The following CTXND2 variants were observed in gnomAD, a reference collection of about 807,000 sequenced individuals.
CTXND2 encodes the protein cortexin domain containing 2.
intron 1 of CTXND2, among the ~76,000 whole-genome samples, chr1:150,911,354 G>A (rs1669254114): frequency 6.6e-6 from 1 of 151,878 alleles, no homozygotes; most frequent in South Asian, 2.1e-4. Context: ...GGAAGTATGA[G>A]TCCTCTTACT....
chr1:150,912,575 T>C, exon 2 of CTXND2: 2 of 397,570 alleles, frequency 5.0e-6, no homozygotes, highest in Middle Eastern at 6.3e-4. Flanking sequence ...TTCTCAGCCT[T>C]CTCACTCTTG....
chr1:150,907,008 C>T (rs1172636876), intron 1 of CTXND2, among the ~76,000 whole-genome samples: 2 of 152,108 alleles, frequency 1.3e-5, no homozygotes, highest in African/African-American at 4.8e-5. Flanking sequence ...TCACAGTTGG[C>T]CACAGCTGAT....
At chr1:150,913,206 TACCC>T (rs1425713021) in exon 2 of CTXND2, 8 of 152,228 alleles carry the variant, frequency 5.3e-5, no homozygotes, top group Non-Finnish European at 8.8e-5. Context: ...GAGATTCTGG[TACCC>T]CAGTATGGTC....
intron 1 of CTXND2, among the ~76,000 whole-genome samples, chr1:150,900,987 C>T (rs978704215): frequency 6.6e-6 from 1 of 152,110 alleles, no homozygotes; most frequent in Non-Finnish European, 1.5e-5. Flanking sequence ...TGGCATGCAC[C>T]TGTAGTCCCA....
intron 1 of CTXND2, among the ~76,000 whole-genome samples, chr1:150,905,761 C>T (rs587713139): frequency 1.1e-4 from 17 of 150,434 alleles, no homozygotes; most frequent in African/African-American, 3.4e-4. Flanking sequence ...GAGGCCGAGA[C>T]GGGCAGATCA....
chr1:150,908,364 G>A (rs978270293), intron 1 of CTXND2, among the ~76,000 whole-genome samples: 2 of 152,060 alleles, frequency 1.3e-5, no homozygotes, highest in Non-Finnish European at 2.9e-5. Context: ...AAGTAACTTT[G>A]CCACTTTACA....
At chr1:150,900,535 A>C (rs1382102506) in intron 1 of CTXND2, among the ~76,000 whole-genome samples, 2 of 152,176 alleles carry the variant, frequency 1.3e-5, no homozygotes, top group Non-Finnish European at 2.9e-5. Context: ...CTGTAATCCC[A>C]GCTATTTGGG....
chr1:150,898,347 T>G (rs977634535), intron 1 of CTXND2, among the ~76,000 whole-genome samples: 1 of 152,170 alleles, frequency 6.6e-6, no homozygotes, highest in African/African-American at 2.4e-5. Flanking sequence ...TTAAAGTAAC[T>G]TCATCCTAAG....
At chr1:150,902,975 GA>G (rs1669068449) in intron 1 of CTXND2, among the ~76,000 whole-genome samples, 1 of 152,088 alleles carries the variant, frequency 6.6e-6, no homozygotes, top group Non-Finnish European at 1.5e-5. Context: ...CCCTCAAGGT[GA>G]ATACTGAACT....
At chr1:150,900,344 A>C (rs1476636110) in intron 1 of CTXND2, among the ~76,000 whole-genome samples, 1 of 152,160 alleles carries the variant, frequency 6.6e-6, no homozygotes, top group East Asian at 1.9e-4. Flanking sequence ...GTCAAGCAAG[A>C]CCACAAACCC....
intron 1 of CTXND2, among the ~76,000 whole-genome samples, chr1:150,907,265 T>C (rs587683693): frequency 2.0e-5 from 3 of 152,334 alleles, no homozygotes; most frequent in African/African-American, 7.2e-5. Flanking sequence ...TGTTTTACCA[T>C]TACCACAGTT....
chr1:150,898,714 C>T (rs1438747747), intron 1 of CTXND2, among the ~76,000 whole-genome samples: 1 of 150,020 alleles, frequency 6.7e-6, no homozygotes, highest in African/African-American at 2.5e-5. Context: ...TGAGATCGTG[C>T]CACTGCACTT....
rs1352634544 is a variant in CTXND2 at position 150,888,282 on chromosome 1, T to G, written c.-74+969T>G. 5.9e-5 allele frequency among the ~76,000 whole-genome samples: 9 copies of G among 151,500 alleles called. No homozygotes were observed. The South Asian group carries it at 1.9e-3, about 32-fold the overall frequency. On this transcript the variant is annotated intron_variant, in intron 1 of 1. Transcript: ENST00000636087. ...AGGCTGGAGTGCAGTGGCGCGATCT[T>G]GGCTCAATACAACCTCTGCCTCCCA... is the stretch of plus-strand genomic sequence containing the variant.
chr1:150,900,440 C>T (rs1333290573), intron 1 of CTXND2, among the ~76,000 whole-genome samples: 4 of 152,174 alleles, frequency 2.6e-5, no homozygotes, highest in African/African-American at 4.8e-5. Context: ...TAACACTCAC[C>T]GTGAGGGTCT....
At chr1:150,910,234 AT>A (rs1318563818) in intron 1 of CTXND2, among the ~76,000 whole-genome samples, 4 of 149,272 alleles carry the variant, frequency 2.7e-5, no homozygotes, top group African/African-American at 9.9e-5. Context: ...GGTTCAAGCA[AT>A]TTTCCTGCCT....
At chr1:150,889,032 C>T (rs1668811488) in intron 1 of CTXND2, among the ~76,000 whole-genome samples, 1 of 151,894 alleles carries the variant, frequency 6.6e-6, no homozygotes, top group South Asian at 2.1e-4. Flanking sequence ...AATTCCAGTC[C>T]CACATTTTAG....
intron 1 of CTXND2, among the ~76,000 whole-genome samples, chr1:150,901,151 A>G (rs1483699518): frequency 6.6e-6 from 1 of 152,208 alleles, no homozygotes; most frequent in Non-Finnish European, 1.5e-5. Flanking sequence ...AATCCCACTT[A>G]AGATAACAAA....
rs368388350 is a variant in CTXND2 at position 150,888,851 on chromosome 1, C to T, written c.-74+1538C>T. On this transcript the variant is annotated intron_variant, in intron 1 of 1. Transcript: ENST00000636087. ...GAGGGACTATAGGTGCGTGCCACCA[C>T]GCCAGGCTAATTTGATTTTGTTTTT... Among the ~76,000 whole-genome samples the T allele has an allele frequency of 3.6e-4, 54 of 151,822 alleles. 1 individual carries two copies. Among genetic ancestry groups the T allele is most frequent in the Middle Eastern group, 6.8e-3 (2 of 292 alleles).
At chr1:150,901,015 G>A (rs1669014529) in intron 1 of CTXND2, among the ~76,000 whole-genome samples, 1 of 152,120 alleles carries the variant, frequency 6.6e-6, no homozygotes, top group South Asian at 2.1e-4. Flanking sequence ...GGGAGGCTGA[G>A]GCAGGAGGAT....
Sources: gnomAD v4.1 joint callset for allele counts (sites outside exome capture counted in the v4.1 genomes callset) on GRCh38, gnomAD v4.1.1 for gene constraint, MANE v1.5 for transcripts, NCBI Gene and HGNC (gene_info 2026-07-23, HGNC 2026-07-21) for gene names.